Variants in WWOX observed in about 807,000 individuals in gnomAD.
WWOX encodes WW domain containing oxidoreductase, also known as WW domain-containing oxidoreductase.
In WWOX, 69 loss-of-function variants were observed where a neutral mutation model predicts 46.2. The ratio of observed to expected loss-of-function variants is 1.49; its 90% CI spans 1.23 to 1.82. WWOX has a LOEUF of 1.82. Ranked by LOEUF, WWOX falls within the 40% of genes most tolerant of loss-of-function variation. The probability of loss-of-function intolerance (pLI) is 0.00; values close to 1 mark genes in which losing one functional copy is unlikely to be tolerated. For synonymous variants in WWOX, 359 were observed against 202.6 expected, an observed-to-expected ratio of 1.77 and a Z score of -6.56; for missense variants, 919 against 542.6, an observed-to-expected ratio of 1.69 and a Z score of -6.89.
intron 8 of WWOX, among the ~76,000 whole-genome samples, chr16:78,775,934 C>T (rs918377562): frequency 3.9e-5 from 6 of 152,242 alleles, no homozygotes; most frequent in African/African-American, 1.2e-4. Context: ...CAGTCAGTGG[C>T]CATCACTACT....
intron 5 of WWOX, among the ~76,000 whole-genome samples, chr16:78,357,515 TATC>T (rs1482329739): frequency 6.6e-6 from 1 of 152,196 alleles, no homozygotes; most frequent in Non-Finnish European, 1.5e-5. Flanking sequence ...TTTGTGATGT[TATC>T]ATAACCTTGA....
intron 8 of WWOX, among the ~76,000 whole-genome samples, chr16:79,208,909 C>T (rs564059636): frequency 6.6e-6 from 1 of 152,144 alleles, no homozygotes; most frequent in Non-Finnish European, 1.5e-5. Flanking sequence ...CTTAATTGTC[C>T]AGCAAGGGAG....
chr16:78,423,204 A>G (rs1024001474), intron 6 of WWOX, among the ~76,000 whole-genome samples: 11 of 152,170 alleles, frequency 7.2e-5, no homozygotes, highest in African/African-American at 2.6e-4. Context: ...TATATCTTCC[A>G]TAACCTTTCT....
At chr16:78,721,276 C>G (rs1349219171) in intron 8 of WWOX, among the ~76,000 whole-genome samples, 1 of 152,124 alleles carries the variant, frequency 6.6e-6, no homozygotes, top group Non-Finnish European at 1.5e-5. Flanking sequence ...AGGTGATGAA[C>G]TACTTCTTTC....
chr16:78,473,398 A>C (rs1467857829), intron 8 of WWOX, among the ~76,000 whole-genome samples: 1 of 150,092 alleles, frequency 6.7e-6, no homozygotes, highest in Non-Finnish European at 1.5e-5. Flanking sequence ...CCAAAGTGCT[A>C]GGATTACAGA....
At chr16:78,355,399 G>A (rs965955241) in intron 5 of WWOX, 60 of 244,050 alleles carry the variant, frequency 2.5e-4, no homozygotes, top group Admixed American at 5.3e-4. Flanking sequence ...TCAGGAGATC[G>A]AGACCATCCT....
At chr16:78,837,810 T>C (rs1369284361) in intron 8 of WWOX, among the ~76,000 whole-genome samples, 2 of 152,242 alleles carry the variant, frequency 1.3e-5, no homozygotes, top group Non-Finnish European at 2.9e-5. Context: ...AGGAGTCTTA[T>C]ATTTATTATT....
At chr16:78,190,769 G>A (rs1263594452) in intron 5 of WWOX, among the ~76,000 whole-genome samples, 1 of 152,110 alleles carries the variant, frequency 6.6e-6, no homozygotes, top group Non-Finnish European at 1.5e-5. Flanking sequence ...AATTAATCTT[G>A]GAGATGACGC....
intron 8 of WWOX, among the ~76,000 whole-genome samples, chr16:78,520,092 C>G (rs1383343757): frequency 6.6e-6 from 1 of 152,178 alleles, no homozygotes; most frequent in Non-Finnish European, 1.5e-5. Flanking sequence ...AGGTTTCTCC[C>G]TCCACTCCCA....
intron 8 of WWOX, chr16:78,535,034 A>T (rs192391210): frequency 6.6e-6 from 1 of 152,182 alleles, no homozygotes. Context: ...TTTTAAGACT[A>T]TACACTGATA....
intron 6 of WWOX, among the ~76,000 whole-genome samples, chr16:78,416,180 C>T (rs948142890): frequency 6.6e-6 from 1 of 152,162 alleles, no homozygotes; most frequent in Non-Finnish European, 1.5e-5. Flanking sequence ...TTTTTGTTTC[C>T]ATTCTGTCTT....
chr16:78,121,263 A>T (rs1021338545), intron 4 of WWOX, among the ~76,000 whole-genome samples: 1 of 152,228 alleles, frequency 6.6e-6, no homozygotes, highest in Non-Finnish European at 1.5e-5. Context: ...AATTAAAAAC[A>T]TTTGTGCCTA....
Position 78,962,810 on chromosome 16 carries a change from C to A in WWOX, c.1057-248798C>A, listed in dbSNP as rs554601638. Among the ~76,000 whole-genome samples the A allele has an allele frequency of 2.0e-5, 3 of 152,286 alleles. 1 individual carries two copies. In the South Asian group the frequency reaches 6.2e-4, roughly 32 times the overall value. On this transcript the variant is annotated intron_variant, in intron 8 of 8. Coordinates refer to ENST00000566780, the MANE Select transcript of WWOX (RefSeq NM_016373.4). ...TGTTCCCCTTTCTAAGCAAGAAGTA[C>A]CATCAGCATTAAGAGGTAACCACTA...
chr16:78,762,881 G>A (rs4888843), intron 8 of WWOX, among the ~76,000 whole-genome samples: 120,001 of 152,160 alleles, frequency 0.79, 47,743 homozygotes, highest in Non-Finnish European at 0.83. Flanking sequence ...AAGGACTCAT[G>A]GTAGTTAACA....
chr16:78,401,023 T>G (rs1040550480), intron 6 of WWOX, among the ~76,000 whole-genome samples: 1 of 152,202 alleles, frequency 6.6e-6, no homozygotes, highest in Non-Finnish European at 1.5e-5. Context: ...TCTCCTTGTG[T>G]TGTCCAGGCT....
chr16:78,525,542 G>C (rs1213960795), intron 8 of WWOX: 2 of 152,074 alleles, frequency 1.3e-5, no homozygotes, highest in African/African-American at 4.8e-5. Context: ...AGTTCTTTTG[G>C]TTCTTACTTT....
chr16:78,631,981 G>A (rs781307463), intron 8 of WWOX, among the ~76,000 whole-genome samples: 24 of 151,270 alleles, frequency 1.6e-4, no homozygotes, highest in East Asian at 1.9e-4. Flanking sequence ...CTGCTTACTC[G>A]GAAAAATAAA....
intron 8 of WWOX, among the ~76,000 whole-genome samples, chr16:78,725,973 CCTCCTT>C (rs982855679): frequency 1.9e-4 from 29 of 150,140 alleles, no homozygotes; most frequent in African/African-American, 3.2e-4. Context: ...TTCTTCTCCT[CCTCCTT>C]CTCCTTCTCC....
chr16:78,276,140 A>G (rs564347976), intron 5 of WWOX, among the ~76,000 whole-genome samples: 3 of 152,170 alleles, frequency 2.0e-5, no homozygotes, highest in South Asian at 2.1e-4. Context: ...ACCTTAACTC[A>G]TGAGTGGTAG....
Sources: allele counts gnomAD v4.1 joint callset (sites outside exome capture counted in the v4.1 genomes callset), GRCh38; gene constraint gnomAD v4.1.1; transcripts MANE v1.5; gene names NCBI Gene and HGNC (gene_info 2026-07-23, HGNC 2026-07-21).